FAM220A: variants seen among roughly 807,000 people sequenced by gnomAD.
The protein encoded by FAM220A is family with sequence similarity 220 member A, also known as protein FAM220A.
For synonymous variants in FAM220A, 141 were observed against 130.7 expected, an observed-to-expected ratio of 1.08 and a Z score of -0.54; for missense variants, 392 against 321.6, an observed-to-expected ratio of 1.22 and a Z score of -1.68.
chr7:6,342,379 T>C (rs1351115644), intron 1 of FAM220A, among the ~76,000 whole-genome samples: 1 of 151,842 alleles, frequency 6.6e-6, no homozygotes, highest in African/African-American at 2.4e-5. Flanking sequence ...ACCCCGACTC[T>C]ACTAAAAATA....
chr7:6,341,820 A>G (rs1325767729), intron 1 of FAM220A: 3 of 151,870 alleles, frequency 2.0e-5, no homozygotes, highest in Admixed American at 6.6e-5. Flanking sequence ...CATCACGGTG[A>G]AACTCTGTCT....
intron 1 of FAM220A, among the ~76,000 whole-genome samples, chr7:6,333,940 G>A (rs568321109): frequency 4.7e-4 from 68 of 145,004 alleles, no homozygotes; most frequent in Admixed American, 1.7e-3. Flanking sequence ...TCCACCTCCC[G>A]GGTTCACGCC....
intron 1 of FAM220A, among the ~76,000 whole-genome samples, chr7:6,344,420 TCA>T (rs1401924943): frequency 6.6e-6 from 1 of 152,124 alleles, no homozygotes; most frequent in African/African-American, 2.4e-5. Context: ...CCTACAATCT[TCA>T]CACTTGTGTC....
At position 6,330,278 on chromosome 7, in the gene FAM220A, C is replaced by A. The variant is rs1781601486; in HGVS notation, c.*97G>T. The A allele has an allele frequency of 1.8e-6, 2 of 1,133,100 alleles. No homozygotes were observed. The highest frequency in any genetic ancestry group is 2.7e-5 in the Admixed American group (1 of 37,448). 70.2% of individuals were successfully genotyped at this position (1,133,100 alleles called of 1,614,324 possible). Reference sequence around the variant, plus strand: ...AGGTCGTACAAAACTACAGCAGGAACCTAAGGGCTGCACAGTTTGCATCCA... The same window carrying A: ...AGGTCGTACAAAACTACAGCAGGAAACTAAGGGCTGCACAGTTTGCATCCA... On this transcript the variant is annotated 3_prime_UTR_variant, in exon 2 of 2. Coordinates refer to ENST00000313324, the MANE Select transcript of FAM220A (RefSeq NM_001037163.2).
chr7:6,331,875 G>C (rs894277464), intron 1 of FAM220A, among the ~76,000 whole-genome samples: 6 of 151,506 alleles, frequency 4.0e-5, no homozygotes, highest in African/African-American at 9.7e-5. Flanking sequence ...TGAGTAGCTG[G>C]GATTACAGGT....
intron 1 of FAM220A, among the ~76,000 whole-genome samples, chr7:6,336,692 A>C (rs558807795): frequency 6.6e-6 from 1 of 152,188 alleles, no homozygotes; most frequent in East Asian, 1.9e-4. Context: ...CAAAAAAAAA[A>C]AAAAAAGCTG....
chr7:6,347,333 G>A (rs1781972633), intron 1 of FAM220A, among the ~76,000 whole-genome samples: 1 of 151,742 alleles, frequency 6.6e-6, no homozygotes, highest in African/African-American at 2.4e-5. Context: ...TGGCCAACAT[G>A]GTGAAAACCC....
intron 1 of FAM220A, among the ~76,000 whole-genome samples, 188 bp downstream of exon 1, chr7:6,348,385 C>A (rs1781996117): frequency 6.6e-6 from 1 of 152,206 alleles, no homozygotes; most frequent in African/African-American, 2.4e-5. Context: ...ACCCCCAGTG[C>A]CGCGTTTGCA....
In FAM220A at chr7:6,348,787, C is replaced by T. The variant is rs528826824; in HGVS notation, c.-296G>A. On this transcript the variant is annotated 5_prime_UTR_variant, in exon 1 of 2. Coordinates refer to ENST00000313324, the MANE Select transcript of FAM220A (RefSeq NM_001037163.2). ...GAGACCGGCGCTCCCACAGCCCCCC[C>T]GCCCGCCCTCTCCGCGCCGCGTCGC... 3 of 397,254 alleles carry T rather than the reference C, an allele frequency of 7.6e-6. No homozygotes were observed. The highest frequency in any genetic ancestry group is 3.6e-5 in the East Asian group (1 of 28,010). 24.6% of individuals were successfully genotyped at this position (397,254 alleles called of 1,614,324 possible). A position where few individuals can be genotyped will look rare whatever the true frequency, so the allele number is the denominator to read the frequency against.
Position 6,329,560 on chromosome 7 carries a change from G to A in FAM220A, c.*815C>T, listed in dbSNP as rs1781585993. On this transcript the variant is annotated 3_prime_UTR_variant, in exon 2 of 2. Transcript: ENST00000313324. ...CCGAAAATGTTTAAGTTTCACTTTGGGAGTCTTTAAAAACTTATGTCCTTA... is the reference window on the plus strand; with the variant it reads ...CCGAAAATGTTTAAGTTTCACTTTGAGAGTCTTTAAAAACTTATGTCCTTA... 6.5e-6 allele frequency: 1 copy of A among 154,160 alleles called. No individual in the cohort carries two copies. Among genetic ancestry groups the A allele is most frequent in the Admixed American group, 6.6e-5 (1 of 15,218 alleles). The allele number at this position is 154,160 out of a possible 1,614,324, so 9.5% of individuals were successfully genotyped here.
chr7:6,332,008 A>G (rs1251013477), intron 1 of FAM220A, among the ~76,000 whole-genome samples: 1 of 150,360 alleles, frequency 6.7e-6, no homozygotes, highest in Admixed American at 6.7e-5. Flanking sequence ...GCTAGTTGGG[A>G]GGCTGAGGTG....
intron 1 of FAM220A, among the ~76,000 whole-genome samples, chr7:6,343,397 CA>C (rs1322183451): frequency 1.1e-5 from 1 of 86,994 alleles, no homozygotes; most frequent in Non-Finnish European, 2.3e-5. Flanking sequence ...ATAATAATTT[CA>C]TATATATATA....
chr7:6,340,172 A>C (rs1302198017), intron 1 of FAM220A, among the ~76,000 whole-genome samples: 1 of 152,214 alleles, frequency 6.6e-6, no homozygotes, highest in East Asian at 1.9e-4. Context: ...GGCATGAGCT[A>C]CCGCGCCCGG....
intron 1 of FAM220A, among the ~76,000 whole-genome samples, chr7:6,337,158 G>A (rs1781764584): frequency 6.6e-6 from 1 of 151,462 alleles, no homozygotes; most frequent in Non-Finnish European, 1.5e-5. Flanking sequence ...TGCAGCCTCT[G>A]CTTCCCGCAC....
chr7:6,339,528 G>A (rs1052008059), intron 1 of FAM220A, among the ~76,000 whole-genome samples: 3 of 151,490 alleles, frequency 2.0e-5, no homozygotes, highest in Admixed American at 2.0e-4. Context: ...CTGTCGCCCA[G>A]GCTGGAGTGC....
intron 1 of FAM220A, among the ~76,000 whole-genome samples, chr7:6,337,761 TATTTA>T (rs1232473577): frequency 6.6e-6 from 1 of 151,634 alleles, no homozygotes; most frequent in Admixed American, 6.6e-5. Flanking sequence ...AGTAATAAAC[TATTTA>T]ATTCTCTCAT....
intron 1 of FAM220A, among the ~76,000 whole-genome samples, chr7:6,347,046 G>A (rs954458096): frequency 1.3e-5 from 2 of 152,162 alleles, no homozygotes; most frequent in African/African-American, 4.8e-5. Context: ...GTCATCTGAG[G>A]CTGGGCTCAC....
At chr7:6,332,963 A>G (rs1195570859) in intron 1 of FAM220A, among the ~76,000 whole-genome samples, 1 of 152,092 alleles carries the variant, frequency 6.6e-6, no homozygotes, top group Non-Finnish European at 1.5e-5. Context: ...GTTCGAGACA[A>G]GCATGGTCAA....
At position 6,348,948 on chromosome 7, in the gene FAM220A, C is replaced by CAGG. The variant is rs143381598; in HGVS notation, c.-458_-457insCCT. 6,447 of 379,848 alleles carry CAGG rather than the reference C, an allele frequency of 0.017. 109 individuals are homozygous for CAGG. The highest frequency in any genetic ancestry group is 0.052 in the East Asian group (1,349 of 26,148). The allele number at this position is 379,848 out of a possible 1,614,324, so 23.5% of individuals were successfully genotyped here. A position where few individuals can be genotyped will look rare whatever the true frequency, so the allele number is the denominator to read the frequency against. ...GTGCCTCCGCGAGCAGCCGCCTGTA[C>CAGG]CAGCCTGGCCGCGCAGCCTGACGTC... On this transcript the variant is annotated 5_prime_UTR_variant, in exon 1 of 2. Transcript: ENST00000313324.
Sources: gnomAD v4.1 joint callset for allele counts (sites outside exome capture counted in the v4.1 genomes callset) on GRCh38, gnomAD v4.1.1 for gene constraint, MANE v1.5 for transcripts, NCBI Gene and HGNC (gene_info 2026-07-23, HGNC 2026-07-21) for gene names.